The following ZBTB7A variants were observed in gnomAD, a reference collection of about 807,000 sequenced individuals.
ZBTB7A encodes zinc finger and BTB domain containing 7A.
Under a neutral mutation model 26.7 loss-of-function variants are expected in ZBTB7A, and 7 were observed. That is an observed-to-expected ratio of 0.26 (90% CI 0.15 to 0.49). The LOEUF (loss-of-function observed/expected upper bound fraction) is 0.49, where lower values mean the gene tolerates loss of function less well. Among genes scored for constraint, ZBTB7A ranks in the 20% least tolerant of loss-of-function variants. The probability of loss-of-function intolerance (pLI) is 0.98; values close to 1 mark genes in which losing one functional copy is unlikely to be tolerated. For missense variants in ZBTB7A, 617 were observed against 919.5 expected (o/e 0.67, Z 4.25); for synonymous variants, 452 against 441.0 (o/e 1.02, Z -0.31).
rs1481358415 is a variant in ZBTB7A at position 4,052,731 on chromosome 19, C to T, written c.1262+1240G>A. ...CCCGGATCTACGAGGCCCAGCCAGC[C>T]ACCTCTGGACTCCTGAGACCGAATT... On this transcript the variant is annotated intron_variant, in intron 2 of 2. Transcript: ENST00000322357. The surrounding 1 kb of genome is among the most constrained non-coding windows in gnomAD (Gnocchi z 4.9). 6.6e-6 allele frequency among the ~76,000 whole-genome samples: 1 copy of T among 152,206 alleles called. No individual in the cohort carries two copies. The highest frequency in any genetic ancestry group is 1.5e-5 in the Non-Finnish European group (1 of 68,026).
Position 4,045,660 on chromosome 19 carries a change from A to C in ZBTB7A, c.*2092T>G. On this transcript the variant is annotated 3_prime_UTR_variant, in exon 3 of 3. Coordinates refer to ENST00000322357, the MANE Select transcript of ZBTB7A (RefSeq NM_015898.4). This position sits in a 1 kb window ranked among gnomAD's most constrained non-coding sequence, Gnocchi z 4.1. ...GGAGACACCCCCCCGCCGGTTGGGC[A>C]TTGACAAGAAGTCTCAGTGCAGCAG... is the stretch of plus-strand genomic sequence containing the variant. The C allele has an allele frequency of 5.4e-6, 2 of 368,146 alleles. No individual in the cohort carries two copies. The highest frequency in any genetic ancestry group is 4.8e-6 in the Non-Finnish European group (1 of 207,648). 22.8% of individuals were successfully genotyped at this position (368,146 alleles called of 1,614,324 possible). A position where few individuals can be genotyped will look rare whatever the true frequency, so the allele number is the denominator to read the frequency against.
In ZBTB7A at chr19:4,048,580, C is replaced by G. The variant is rs1490907207; in HGVS notation, c.1263-336G>C. Among the ~76,000 whole-genome samples, 2 of 152,010 alleles carry G rather than the reference C, an allele frequency of 1.3e-5. No homozygotes were observed. The highest frequency in any genetic ancestry group is 4.8e-5 in the African/African-American group (2 of 41,390). The stretch of plus-strand genomic sequence containing the variant: ...GCGCGGAGGCTCAGGCCTGAAATCC[C>G]AGCACTTTGGGAGGCCGAGGCGGGC... On this transcript the variant is annotated intron_variant, in intron 2 of 2. Coordinates refer to ENST00000322357, the MANE Select transcript of ZBTB7A (RefSeq NM_015898.4). This position sits in a 1 kb window ranked among gnomAD's most constrained non-coding sequence, Gnocchi z 6.7.
intron 1 of ZBTB7A, chr19:4,061,682 G>A (rs1267222629): frequency 2.0e-5 from 3 of 152,308 alleles, no homozygotes; most frequent in Non-Finnish European, 4.4e-5. Context: ...TAAAGGGCCA[G>A]AGGCAGGAAG....
Position 4,048,335 on chromosome 19 carries a change from A to C in ZBTB7A, c.1263-91T>G. The C allele has an allele frequency of 7.0e-7, 1 of 1,423,960 alleles. No homozygotes were observed. The allele number at this position is 1,423,960 out of a possible 1,614,324, so 88.2% of individuals were successfully genotyped here. On this transcript the variant is annotated intron_variant, in intron 2 of 2. Coordinates refer to ENST00000322357, the MANE Select transcript of ZBTB7A (RefSeq NM_015898.4). This position sits in a 1 kb window ranked among gnomAD's most constrained non-coding sequence, Gnocchi z 6.7. The stretch of plus-strand genomic sequence containing the variant: ...CCCTCACGGACACGGCAGGCCCTGG[A>C]TCATCACCCTTGCAGAACACGGACC...
chr19:4,061,328 C>T (rs2040635383), intron 1 of ZBTB7A, among the ~76,000 whole-genome samples: 1 of 152,188 alleles, frequency 6.6e-6, no homozygotes, highest in Non-Finnish European at 1.5e-5. Context: ...CACTGTAAGC[C>T]TGGTGTGCAG....
In ZBTB7A at chr19:4,054,394, GCCT is replaced by G. The variant is rs1223023567; in HGVS notation, c.836_838del (p.Glu279del). The stretch of plus-strand genomic sequence containing the variant: ...GGGGGCCGCCTCCGACAGCGAGGCG[GCCT>G]CCTCCTCTCCGCCGCGGCCGTAGTG... On this transcript the variant is annotated inframe_deletion, in exon 2 of 3. Transcript: ENST00000322357. The G allele has an allele frequency of 2.6e-5, 36 of 1,408,476 alleles. No individual in the cohort carries two copies. Among genetic ancestry groups the G allele is most frequent in the Non-Finnish European group, 2.7e-5 (30 of 1,094,186 alleles). The allele number at this position is 1,408,476 out of a possible 1,614,324, so 87.2% of individuals were successfully genotyped here. A position where few individuals can be genotyped will look rare whatever the true frequency, so the allele number is the denominator to read the frequency against.
chr19:4,050,545 T>TG (rs2040491957), intron 2 of ZBTB7A, among the ~76,000 whole-genome samples: 1 of 152,174 alleles, frequency 6.6e-6, no homozygotes, highest in African/African-American at 2.4e-5. Flanking sequence ...ACCATATCAG[T>TG]GGGGTGCCTG....
rs189036886 is a variant in ZBTB7A, at chr19:4,049,787, G to A, written c.1263-1543C>T. 2.1e-3 allele frequency among the ~76,000 whole-genome samples: 316 copies of A among 152,256 alleles called. 1 individual carries two copies. Among genetic ancestry groups the A allele is most frequent in the African/African-American group, 7.0e-3 (291 of 41,542 alleles). On this transcript the variant is annotated intron_variant, in intron 2 of 2. Transcript: ENST00000322357. The stretch of plus-strand genomic sequence containing the variant: ...AAGGTGCAAAGCACAAGCTACGCTG[G>A]GGCCTTTGCATGTGCTGCTCCCGCA...
chr19:4,063,441 C>T (rs1009028781), intron 1 of ZBTB7A, among the ~76,000 whole-genome samples: 2 of 152,190 alleles, frequency 1.3e-5, no homozygotes, highest in African/African-American at 2.4e-5. Flanking sequence ...CAAGGTGAGA[C>T]GAGTTTGTGG....
At position 4,066,275 on chromosome 19, in the gene ZBTB7A, G is replaced by T. The variant is rs1438766503; in HGVS notation, c.-16+407C>A. ...GCAGCACCGAATAGGCCCCCGGGGG[G>T]CGAGAGCGCCCCTCGTCTTCAGCTG... On this transcript the variant is annotated intron_variant, in intron 1 of 2. Transcript: ENST00000322357. 2.7e-5 allele frequency among the ~76,000 whole-genome samples: 4 copies of T among 148,572 alleles called. No individual in the cohort carries two copies. The South Asian group carries it at 6.4e-4, about 24-fold the overall frequency.
rs1302974401 is a variant in ZBTB7A, at chr19:4,047,674, T to C, written c.*78A>G. 2.7e-6 allele frequency: 4 copies of C among 1,503,118 alleles called. No homozygotes were observed. The African/African-American group carries it at 4.3e-5, about 16-fold the overall frequency. The allele number at this position is 1,503,118 out of a possible 1,614,324, so 93.1% of individuals were successfully genotyped here. ...AGATAGATTTTCTTTTTTTGTGTTTTTGGGGGGGTGGTGGGTGATTTTTTT... is the reference window on the plus strand; with the variant it reads ...AGATAGATTTTCTTTTTTTGTGTTTCTGGGGGGGTGGTGGGTGATTTTTTT... On this transcript the variant is annotated 3_prime_UTR_variant, in exon 3 of 3. Transcript: ENST00000322357.
chr19:4,057,013 C>T (rs545359532), intron 1 of ZBTB7A, among the ~76,000 whole-genome samples: 10 of 113,440 alleles, frequency 8.8e-5, no homozygotes, highest in African/African-American at 2.8e-4. Context: ...GGCAACACAG[C>T]GAGACTCGGT....
rs988802958 is a variant in ZBTB7A at position 4,045,931 on chromosome 19, C to G, written c.*1821G>C. On this transcript the variant is annotated 3_prime_UTR_variant, in exon 3 of 3. Coordinates refer to ENST00000322357, the MANE Select transcript of ZBTB7A (RefSeq NM_015898.4). The surrounding 1 kb of genome is among the most constrained non-coding windows in gnomAD (Gnocchi z 4.1). ...GGGAGAGGGGCGGTGGTTCTAAGGCCCTGGAGGTGGGGGGCCCCTGTCACC... is the reference window on the plus strand; with the variant it reads ...GGGAGAGGGGCGGTGGTTCTAAGGCGCTGGAGGTGGGGGGCCCCTGTCACC... The G allele has an allele frequency of 1.3e-5, 5 of 398,418 alleles. No individual in the cohort carries two copies. Among genetic ancestry groups the G allele is most frequent in the African/African-American group, 1.0e-4 (5 of 48,484 alleles). The allele number at this position is 398,418 out of a possible 1,614,324, so 24.7% of individuals were successfully genotyped here. A position where few individuals can be genotyped will look rare whatever the true frequency, so the allele number is the denominator to read the frequency against.
chr19:4,049,812 A>C (rs1450072609), intron 2 of ZBTB7A, among the ~76,000 whole-genome samples: 1 of 152,190 alleles, frequency 6.6e-6, no homozygotes, highest in Non-Finnish European at 1.5e-5. Flanking sequence ...CTGCTCCCGC[A>C]GTCCGGGGTA....
Position 4,049,168 on chromosome 19 carries a change from G to GTATATATATA in ZBTB7A, c.1263-934_1263-925dup, listed in dbSNP as rs1181215162. On this transcript the variant is annotated intron_variant, in intron 2 of 2. Coordinates refer to ENST00000322357, the MANE Select transcript of ZBTB7A (RefSeq NM_015898.4). ...ACTATATGTGTGTGTGTGTGTGTGT[G>GTATATATATA]TATATATATATATATATATATATAT... Among the ~76,000 whole-genome samples, 47 of 14,936 alleles carry GTATATATATA rather than the reference G, an allele frequency of 3.1e-3. 4 individuals carry two copies. The highest frequency in any genetic ancestry group is 0.013 in the South Asian group (4 of 318). 9.8% of individuals were successfully genotyped at this position (14,936 alleles called of 152,430 possible). A position where few individuals can be genotyped will look rare whatever the true frequency, so the allele number is the denominator to read the frequency against.
chr19:4,055,375 T>G, intron 1 of ZBTB7A, 128 bp from the exon 2 acceptor site: 1 of 1,395,372 alleles, frequency 7.2e-7, no homozygotes, highest in Non-Finnish European at 9.2e-7. Flanking sequence ...CATTCCCACC[T>G]GCACGTGAAG....
chr19:4,048,345 T>G lies in ZBTB7A; in HGVS notation c.1263-101A>C. On this transcript the variant is annotated intron_variant, in intron 2 of 2. Coordinates refer to ENST00000322357, the MANE Select transcript of ZBTB7A (RefSeq NM_015898.4). This position sits in a 1 kb window ranked among gnomAD's most constrained non-coding sequence, Gnocchi z 6.7. ...CACGGCAGGCCCTGGATCATCACCC[T>G]TGCAGAACACGGACCGTGCACCAGA... 1 of 1,395,538 alleles carries G rather than the reference T, an allele frequency of 7.2e-7. No homozygotes were observed. Among genetic ancestry groups the G allele is most frequent in the Non-Finnish European group, 9.3e-7 (1 of 1,077,136 alleles). The allele number at this position is 1,395,538 out of a possible 1,614,324, so 86.4% of individuals were successfully genotyped here. A position where few individuals can be genotyped will look rare whatever the true frequency, so the allele number is the denominator to read the frequency against.
rs2040453746 is a variant in ZBTB7A, at chr19:4,048,502, G to A, written c.1263-258C>T. Among the ~76,000 whole-genome samples, 1 of 152,128 alleles carries A rather than the reference G, an allele frequency of 6.6e-6. No homozygotes were observed. Among genetic ancestry groups the A allele is most frequent in the African/African-American group, 2.4e-5 (1 of 41,442 alleles). On this transcript the variant is annotated intron_variant, in intron 2 of 2. Coordinates refer to ENST00000322357, the MANE Select transcript of ZBTB7A (RefSeq NM_015898.4). The surrounding 1 kb of genome is among the most constrained non-coding windows in gnomAD (Gnocchi z 6.7). ...CCTTGGGAAAACGCTATGCCTCTCT[G>A]AACCCCGTTTCCTTTCCTTTTTTAA...
intron 2 of ZBTB7A, among the ~76,000 whole-genome samples, chr19:4,049,164 GTGTGTATATATATATATATA>G (rs1310549229): frequency 0.042 from 880 of 21,176 alleles, 54 homozygotes; most frequent in Middle Eastern, 0.1. Context: ...GTGTGTGTGT[GTGTGTATATATATATATATA>G]TATATATATA....
Sources: gnomAD v4.1 joint callset for allele counts (sites outside exome capture counted in the v4.1 genomes callset) on GRCh38, gnomAD v4.1.1 for gene constraint, Gnocchi (gnomAD v3.1) non-coding constraint, MANE v1.5 for transcripts, NCBI Gene and HGNC (gene_info 2026-07-23, HGNC 2026-07-21) for gene names.